BLVRA: variants seen among roughly 807,000 people sequenced by gnomAD.
The protein encoded by BLVRA is biliverdin reductase A.
A neutral mutation model predicts 32.8 loss-of-function variants in BLVRA; 22 were observed. That is an observed-to-expected ratio of 0.67 (90% confidence interval 0.48 to 0.96). The LOEUF is 0.96. Ranked by LOEUF, BLVRA falls within the 40% of genes least tolerant of loss-of-function variation. The probability of loss-of-function intolerance (pLI) is 0.00; values close to 1 mark genes in which losing one functional copy is unlikely to be tolerated. For missense variants in BLVRA, 323 were observed against 358.1 expected, an observed-to-expected ratio of 0.90 and a Z score of 0.79; for synonymous variants, 119 against 141.3, an observed-to-expected ratio of 0.84 and a Z score of 1.12.
chr7:43,801,746 T>G (rs2095798923), intron 6 of BLVRA, among the ~76,000 whole-genome samples: 1 of 152,188 alleles, frequency 6.6e-6, no homozygotes, highest in Non-Finnish European at 1.5e-5. Flanking sequence ...ATGAGTGGCT[T>G]CACAGAGGTA....
At chr7:43,761,122 A>G (rs1322108479) in intron 1 of BLVRA, among the ~76,000 whole-genome samples, 5 of 152,200 alleles carry the variant, frequency 3.3e-5, no homozygotes, top group Non-Finnish European at 7.3e-5. Context: ...GAGCTGCTAG[A>G]TCTGCCTTAT....
At chr7:43,804,738 A>G (rs1385933809) in intron 7 of BLVRA, among the ~76,000 whole-genome samples, 1 of 152,196 alleles carries the variant, frequency 6.6e-6, no homozygotes, top group African/African-American at 2.4e-5. Flanking sequence ...CTTTTTTAAC[A>G]AAAGCACATT....
At chr7:43,788,447 T>G (rs1240284867) in intron 3 of BLVRA, among the ~76,000 whole-genome samples, 1 of 152,124 alleles carries the variant, frequency 6.6e-6, no homozygotes, top group African/African-American at 2.4e-5. Context: ...CCCCCCAGTT[T>G]ACAGATAAGG....
At chr7:43,767,608 T>A in intron 1 of BLVRA, 1 of 878,586 alleles carries the variant, frequency 1.1e-6, no homozygotes, top group Admixed American at 1.8e-5. Context: ...AAAGTGAACA[T>A]CACCTTTTGA....
intron 5 of BLVRA, among the ~76,000 whole-genome samples, chr7:43,798,863 A>G (rs1371935019): frequency 6.6e-6 from 1 of 152,138 alleles, no homozygotes; most frequent in Non-Finnish European, 1.5e-5. Flanking sequence ...ACGACAGGAA[A>G]ACAACAAAAG....
chr7:43,765,504 G>A (rs1239885489), intron 1 of BLVRA, among the ~76,000 whole-genome samples: 2 of 152,058 alleles, frequency 1.3e-5, no homozygotes, highest in Admixed American at 6.6e-5. Flanking sequence ...CGCCCGCCTC[G>A]GCCTCCCAAA....
At chr7:43,771,242 C>T in intron 2 of BLVRA, 72 bp downstream of exon 2, 2 of 1,529,806 alleles carry the variant, frequency 1.3e-6, no homozygotes, top group Non-Finnish European at 1.8e-6. Context: ...TTTGCAGAGT[C>T]TCCATTCCCT....
intron 2 of BLVRA, among the ~76,000 whole-genome samples, chr7:43,784,780 G>A (rs1403051333): frequency 1.3e-5 from 2 of 151,766 alleles, no homozygotes; most frequent in Non-Finnish European, 2.9e-5. Context: ...CTAATTTTTT[G>A]TATTTTTAGT....
intron 1 of BLVRA, chr7:43,767,501 A>G (rs1013124546): frequency 4.8e-6 from 6 of 1,259,326 alleles, no homozygotes; most frequent in Non-Finnish European, 7.0e-6. Flanking sequence ...TTATGCTGCT[A>G]TTGTTGCCGT....
chr7:43,779,309 C>G (rs557078618), intron 2 of BLVRA, among the ~76,000 whole-genome samples: 1 of 152,192 alleles, frequency 6.6e-6, no homozygotes, highest in Non-Finnish European at 1.5e-5. Context: ...TTTCTCATCC[C>G]CTGCAAGGCA....
upstream of BLVRA, among the ~76,000 whole-genome samples, chr7:43,758,328 C>A (rs2095738241): frequency 9.0e-6 from 1 of 110,812 alleles, no homozygotes; most frequent in African/African-American, 2.7e-5. Flanking sequence ...ACCCCCCGGG[C>A]CTGCCCCCCC....
At chr7:43,767,272 T>A in intron 1 of BLVRA, 1 of 956,066 alleles carries the variant, frequency 1.0e-6, no homozygotes, top group Non-Finnish European at 1.7e-6. Context: ...CGAGCACCTG[T>A]GCCAGCACAA....
intron 5 of BLVRA, among the ~76,000 whole-genome samples, chr7:43,795,196 G>A (rs1317872938): frequency 6.6e-6 from 1 of 152,126 alleles, no homozygotes; most frequent in Non-Finnish European, 1.5e-5. Context: ...GGGCGACACA[G>A]TGAGACTCCA....
In BLVRA at chr7:43,774,136, T is replaced by G. The variant is rs1024873373; in HGVS notation, c.12+2966T>G. On this transcript the variant is annotated intron_variant, in intron 2 of 7. Coordinates refer to ENST00000265523, the MANE Select transcript of BLVRA (RefSeq NM_000712.4). Reference sequence around the variant, plus strand: ...TTTCTTTTGCTGTGCAGAAGCTCTTTAGTTTAATTAGATCCCATTTGTCCA... The same window carrying G: ...TTTCTTTTGCTGTGCAGAAGCTCTTGAGTTTAATTAGATCCCATTTGTCCA... 9.8e-5 allele frequency among the ~76,000 whole-genome samples: 15 copies of G among 152,330 alleles called. No homozygotes were observed. The South Asian group carries it at 1.2e-3, about 13-fold the overall frequency.
intron 2 of BLVRA, among the ~76,000 whole-genome samples, chr7:43,785,092 T>C (rs1387102452): frequency 1.3e-5 from 2 of 152,204 alleles, no homozygotes; most frequent in African/African-American, 4.8e-5. Context: ...ATAATGGAGC[T>C]GTTTCTTAAC....
At chr7:43,758,805 T>C (rs2095739117) in intron 1 of BLVRA, 71 bp downstream of exon 1, 1 of 151,420 alleles carries the variant, frequency 6.6e-6, no homozygotes, top group Admixed American at 6.6e-5. Context: ...CATAGAGCGC[T>C]AGGGCCTGAG....
chr7:43,769,301 A>G (rs1312904655), intron 1 of BLVRA, among the ~76,000 whole-genome samples: 1 of 152,112 alleles, frequency 6.6e-6, no homozygotes, highest in Admixed American at 6.5e-5. Flanking sequence ...CAGTGCTGGG[A>G]TTACAGGTGT....
intron 2 of BLVRA, among the ~76,000 whole-genome samples, chr7:43,778,403 G>T (rs1183484252): frequency 6.6e-6 from 1 of 152,196 alleles, no homozygotes; most frequent in African/African-American, 2.4e-5. Flanking sequence ...TTTGCTAGAG[G>T]TCCACTCCAG....
At chr7:43,780,131 C>A (rs929508772) in intron 2 of BLVRA, among the ~76,000 whole-genome samples, 1 of 152,144 alleles carries the variant, frequency 6.6e-6, no homozygotes, top group African/African-American at 2.4e-5. Flanking sequence ...CTCGGCCTCC[C>A]AAAGTGCTGG....
Sources: gnomAD v4.1 joint callset for allele counts (sites outside exome capture counted in the v4.1 genomes callset) on GRCh38, gnomAD v4.1.1 for gene constraint, MANE v1.5 for transcripts, NCBI Gene and HGNC (gene_info 2026-07-23, HGNC 2026-07-21) for gene names.